The following A4GALT variants were observed in gnomAD, a reference collection of about 807,000 sequenced individuals.
A4GALT encodes alpha 1,4-galactosyltransferase (P1PK blood group).
For missense variants in A4GALT, 512 were observed against 486.0 expected (o/e 1.05, Z -0.50); for synonymous variants, 257 against 220.7 (o/e 1.16, Z -1.46).
rs375308190 is a variant in A4GALT, at chr22:42,706,167, A to G, written c.-187-10536T>C. On this transcript the variant is annotated intron_variant, in intron 1 of 2. Transcript: ENST00000642412. The stretch of plus-strand genomic sequence containing the variant: ...TCAGGAGATCGAGACCATCCTGGCT[A>G]ACACGGTGAAACCCCGTCTCTACTA... Among the ~76,000 whole-genome samples the G allele has an allele frequency of 7.9e-4, 101 of 127,864 alleles. 19 individuals are homozygous for G. In the East Asian group the frequency reaches 0.018, roughly 22 times the overall value. The allele number at this position is 127,864 out of a possible 152,430, so 83.9% of individuals were successfully genotyped here.
intron 1 of A4GALT, among the ~76,000 whole-genome samples, chr22:42,698,890 G>A (rs184124387): frequency 8.9e-4 from 136 of 152,162 alleles, no homozygotes; most frequent in African/African-American, 3.1e-3. Flanking sequence ...ACCTCTGGTC[G>A]TCCTCTCTGC....
chr22:42,710,003 C>T (rs1921539886), intron 1 of A4GALT, among the ~76,000 whole-genome samples: 1 of 152,050 alleles, frequency 6.6e-6, no homozygotes, highest in Non-Finnish European at 1.5e-5. Flanking sequence ...ATGGACACTT[C>T]CTTAACAAAA....
intron 1 of A4GALT, among the ~76,000 whole-genome samples, chr22:42,698,173 G>A (rs965016544): frequency 2.5e-4 from 38 of 151,426 alleles, no homozygotes; most frequent in African/African-American, 6.8e-4. Flanking sequence ...GCTTGAACTC[G>A]GGAGGCAGAG....
At chr22:42,707,151 C>G (rs1282314587) in intron 1 of A4GALT, among the ~76,000 whole-genome samples, 1 of 152,106 alleles carries the variant, frequency 6.6e-6, no homozygotes, top group African/African-American at 2.4e-5. Flanking sequence ...AAACTCTCTA[C>G]CCTAGTGATA....
intron 1 of A4GALT, among the ~76,000 whole-genome samples, chr22:42,698,503 C>G (rs1931088881): frequency 6.6e-6 from 1 of 152,228 alleles, no homozygotes; most frequent in African/African-American, 2.4e-5. Context: ...CCAGCTCAGC[C>G]TAGCACTGGC....
intron 1 of A4GALT, among the ~76,000 whole-genome samples, chr22:42,712,150 C>A (rs1358829178): frequency 6.6e-6 from 1 of 152,190 alleles, no homozygotes; most frequent in Non-Finnish European, 1.5e-5. Flanking sequence ...CGCCTTTCTT[C>A]CTTCCCTGAG....
At chr22:42,715,617 G>C (rs1311476369) in intron 1 of A4GALT, among the ~76,000 whole-genome samples, 3 of 152,060 alleles carry the variant, frequency 2.0e-5, no homozygotes, top group Admixed American at 2.0e-4. Flanking sequence ...AGGAGGCTGA[G>C]GTGGGAGGAT....
chr22:42,693,941 G>T lies in A4GALT; in HGVS notation c.11C>A (p.Pro4His). The T allele has an allele frequency of 1.3e-6, 2 of 1,586,626 alleles. No individual in the cohort carries two copies. The highest frequency in any genetic ancestry group is 8.6e-7 in the Non-Finnish European group (1 of 1,166,844). MSKPPDLLLRLLRG... is the reference protein window; with the variant it reads MSKHPDLLLRLLRG... ...GAGCAGCCGCAGCAGGAGGTCGGGG[G>T]GCTTGGACATGGTATCCCCAGATCA... Residue 4 changes from proline to histidine, a missense_variant, in exon 3 of 3, where the codon CCC (proline) becomes CAC (histidine). Coordinates refer to ENST00000642412, the MANE Select transcript of A4GALT (RefSeq NM_017436.7).
Position 42,693,031 on chromosome 22 carries a change from C to G in A4GALT, c.921G>C (p.Leu307=). Residue 307 remains leucine, a synonymous_variant, in exon 3 of 3, where the codon CTG becomes CTC. Transcript: ENST00000642412. ...CGTGGACAGCATAGGTGGCACTGAGCAGCCGCGGCAGCTCCTCGGGGTTGA... is the reference window on the plus strand; with the variant it reads ...CGTGGACAGCATAGGTGGCACTGAGGAGCCGCGGCAGCTCCTCGGGGTTGA... The part of the protein sequence containing the change: ...EDINPEELPR[L]LSATYAVHVW... The G allele has an allele frequency of 6.2e-7, 1 of 1,613,698 alleles. No homozygotes were observed. Among genetic ancestry groups the G allele is most frequent in the South Asian group, 1.1e-5 (1 of 91,088 alleles).
At chr22:42,715,051 G>T (rs73886107) in intron 1 of A4GALT, among the ~76,000 whole-genome samples, 3 of 143,980 alleles carry the variant, frequency 2.1e-5, no homozygotes, top group African/African-American at 7.7e-5. Flanking sequence ...GGGTGGGGGG[G>T]TTCCAGGACA....
chr22:42,694,428 G>A (rs6002905), intron 2 of A4GALT: 46 of 193,918 alleles, frequency 2.4e-4, no homozygotes, highest in African/African-American at 9.3e-4. Context: ...ACCAGGCCTG[G>A]GGTTCGTCTA....
At position 42,692,843 on chromosome 22, in the gene A4GALT, C is replaced by A; in HGVS notation, c.*47G>T. 1 of 1,593,764 alleles carries A rather than the reference C, an allele frequency of 6.3e-7. No homozygotes were observed. The highest frequency in any genetic ancestry group is 8.5e-7 in the Non-Finnish European group (1 of 1,175,754). On this transcript the variant is annotated 3_prime_UTR_variant, in exon 3 of 3. Coordinates refer to ENST00000642412, the MANE Select transcript of A4GALT (RefSeq NM_017436.7). The surrounding 1 kb of genome is among the most constrained non-coding windows in gnomAD (Gnocchi z 4.6). The stretch of plus-strand genomic sequence containing the variant: ...ATCTTGCCTCCCCGGGAAGGGCGGC[C>A]CAGTGCCCCATCAGGAGCAGGTTGG...
chr22:42,692,896 G>A lies in A4GALT; in HGVS notation c.1056C>T (p.Tyr352=), dbSNP rs147715374. 1.6e-4 allele frequency: 263 copies of A among 1,601,848 alleles called. No individual in the cohort carries two copies. Among genetic ancestry groups the A allele is most frequent in the Admixed American group, 7.7e-4 (46 of 60,012 alleles). Residue 352 remains tyrosine (Y), a synonymous_variant, in exon 3 of 3, where the codon TAC becomes TAT. Transcript: ENST00000642412. The surrounding 1 kb of genome is among the most constrained non-coding windows in gnomAD (Gnocchi z 4.6). ...CPTTHEAMKM[Y]L ...AGGTGACCTGGCGGGCCCCTCACAA[G>A]TACATTTTCATGGCCTCGTGCGTCG...
Position 42,693,776 on chromosome 22 carries a change from A to G in A4GALT, c.176T>C (p.Ile59Thr), listed in dbSNP as rs1237539535. The G allele has an allele frequency of 1.2e-6, 2 of 1,601,798 alleles. No homozygotes were observed. The highest frequency in any genetic ancestry group is 1.3e-5 in the African/African-American group (1 of 74,832). Residue 59 changes from isoleucine (I) to threonine (T), a missense_variant, in exon 3 of 3, where the codon ATC (isoleucine) becomes ACC (threonine). By Grantham distance (89) the Ile-to-Thr change is moderately conservative. Coordinates refer to ENST00000642412, the MANE Select transcript of A4GALT (RefSeq NM_017436.7). ...KGQLYNLPAE[I>T]PCPTLTPPTP... is the part of the protein sequence containing the mutation. ...GGGGGGTGTCAAGGTGGGGCAGGGGATCTCTGCTGGCAGGTTATAGAGCTG... is the reference window on the plus strand; with the variant it reads ...GGGGGGTGTCAAGGTGGGGCAGGGGGTCTCTGCTGGCAGGTTATAGAGCTG...
chr22:42,703,768 G>A (rs1920946402), intron 1 of A4GALT, among the ~76,000 whole-genome samples: 1 of 152,154 alleles, frequency 6.6e-6, no homozygotes, highest in African/African-American at 2.4e-5. Flanking sequence ...GGCACCTGCT[G>A]CTAACTGCAT....
chr22:42,704,506 TA>T (rs1029946953), intron 1 of A4GALT, among the ~76,000 whole-genome samples: 2 of 147,030 alleles, frequency 1.4e-5, no homozygotes, highest in African/African-American at 2.5e-5. Context: ...AAAAAAATAA[TA>T]AAAAAAATTA....
intron 1 of A4GALT, among the ~76,000 whole-genome samples, chr22:42,711,831 C>T (rs9620086): frequency 6.6e-5 from 10 of 151,746 alleles, no homozygotes; most frequent in Admixed American, 5.3e-4. Context: ...CCATGTTGGC[C>T]GGGCTGGTCT....
intron 1 of A4GALT, among the ~76,000 whole-genome samples, chr22:42,705,465 T>C (rs544746845): frequency 7.4e-6 from 1 of 134,406 alleles, no homozygotes; most frequent in East Asian, 2.1e-4. Flanking sequence ...TAGCTGGGCA[T>C]GGTGGCGCGT....
At position 42,714,274 on chromosome 22, in the gene A4GALT, CAAAAAAAAA is replaced by C. The variant is rs1163088658; in HGVS notation, c.-188+6514_-188+6522del. Among the ~76,000 whole-genome samples the C allele has an allele frequency of 3.0e-3, 49 of 16,150 alleles. No individual in the cohort carries two copies. The South Asian group carries it at 0.033, about 11-fold the overall frequency. 10.6% of individuals were successfully genotyped at this position (16,150 alleles called of 152,430 possible). On this transcript the variant is annotated intron_variant, in intron 1 of 2. Transcript: ENST00000642412. ...TGGGCAACAGAGCAAGACTCTGTCT[CAAAAAAAAA>C]AAAAAAAAAAAAAAAAAAAAAAAGG...
Sources: gnomAD v4.1 joint callset for allele counts (sites outside exome capture counted in the v4.1 genomes callset) on GRCh38, gnomAD v4.1.1 for gene constraint, Gnocchi (gnomAD v3.1) non-coding constraint, MANE v1.5 for transcripts, NCBI Gene and HGNC (gene_info 2026-07-23, HGNC 2026-07-21) for gene names.